ROBO1: variants seen among roughly 807,000 people sequenced by gnomAD.
ROBO1 encodes the protein roundabout guidance receptor 1, also known as roundabout homolog 1.
In ROBO1, 149 loss-of-function variants were observed where a neutral mutation model predicts 195.9. The ratio of observed to expected loss-of-function variants is 0.76; its 90% CI spans 0.67 to 0.87. The LOEUF (loss-of-function observed/expected upper bound fraction) is 0.87, where lower values mean the gene tolerates loss of function less well. Among genes scored for constraint, ROBO1 ranks in the 40% least tolerant of loss-of-function variants. ROBO1 has a pLI of 0.00. For missense variants in ROBO1, 1,933 were observed against 2,068.3 expected (o/e 0.93, Z 1.27); for synonymous variants, 816 against 733.2 (o/e 1.11, Z -1.82).
chr3:79,603,389 C>T (rs1387184487), intron 1 of ROBO1, among the ~76,000 whole-genome samples: 1 of 151,904 alleles, frequency 6.6e-6, no homozygotes, highest in Non-Finnish European at 1.5e-5. Flanking sequence ...CACAACAATA[C>T]CCCCCACAGC....
Position 79,708,686 on chromosome 3 carries a change from G to A in ROBO1, c.-51+59066C>T, listed in dbSNP as rs1422139386. On this transcript the variant is annotated intron_variant, in intron 1 of 30. Coordinates refer to ENST00000464233, the MANE Select transcript of ROBO1 (RefSeq NM_002941.4). ...GAGACCACCCTGGTCAACAGAGTGA[G>A]ACTTTGTGTCTACAAAATATTAAAA... Among the ~76,000 whole-genome samples the A allele has an allele frequency of 3.9e-5, 6 of 152,244 alleles. 1 individual carries two copies. The East Asian group carries it at 1.2e-3, about 29-fold the overall frequency.
chr3:79,580,063 A>G (rs1576062243), intron 2 of ROBO1, among the ~76,000 whole-genome samples: 2 of 152,170 alleles, frequency 1.3e-5, no homozygotes, highest in Admixed American at 1.3e-4. Context: ...TATATATTCT[A>G]TAGAGTTATT....
At chr3:79,071,001 A>G (rs1050023015) in intron 3 of ROBO1, among the ~76,000 whole-genome samples, 1 of 151,800 alleles carries the variant, frequency 6.6e-6, no homozygotes, top group Admixed American at 6.6e-5. Flanking sequence ...ATATATGTAT[A>G]GATTGTAAAA....
At chr3:78,738,825 T>G (rs2082454897) in intron 5 of ROBO1, among the ~76,000 whole-genome samples, 1 of 152,196 alleles carries the variant, frequency 6.6e-6, no homozygotes, top group Admixed American at 6.5e-5. Flanking sequence ...GAAGAATGGA[T>G]AAAATCTTAA....
At position 79,124,567 on chromosome 3, in the gene ROBO1, T is replaced by A. The variant is rs62259672; in HGVS notation, c.172+889A>T. On this transcript the variant is annotated intron_variant, in intron 3 of 30. Coordinates refer to ENST00000464233, the MANE Select transcript of ROBO1 (RefSeq NM_002941.4). Reference sequence around the variant, plus strand: ...GGACTCTATCATCTCTAACCCTAACTACCCCACCTCATACACACACAACCT... The same window carrying A: ...GGACTCTATCATCTCTAACCCTAACAACCCCACCTCATACACACACAACCT... 9.2e-3 allele frequency among the ~76,000 whole-genome samples: 1,401 copies of A among 152,216 alleles called. 10 individuals are homozygous for A. The highest frequency in any genetic ancestry group is 0.016 in the Non-Finnish European group (1,073 of 67,984).
At chr3:79,339,432 T>A (rs2034817425) in intron 2 of ROBO1, among the ~76,000 whole-genome samples, 1 of 152,198 alleles carries the variant, frequency 6.6e-6, no homozygotes, top group African/African-American at 2.4e-5. Flanking sequence ...TTTTCCACAA[T>A]ACATCACAAA....
intron 11 of ROBO1, 50 bp downstream of exon 11, chr3:78,670,046 A>G (rs1361802433): frequency 6.8e-7 from 1 of 1,463,034 alleles, no homozygotes; most frequent in Non-Finnish European, 9.3e-7. Context: ...TGTTGGAGGC[A>G]GAAACAAAGT....
At position 79,525,901 on chromosome 3, in the gene ROBO1, C is replaced by T. The variant is rs79105954; in HGVS notation, c.88+63923G>A. On this transcript the variant is annotated intron_variant, in intron 2 of 30. Coordinates refer to ENST00000464233, the MANE Select transcript of ROBO1 (RefSeq NM_002941.4). ...CTGGGATTACAGGCATGAGCCTCAG[C>T]GCCTGACCCCAAAACTCTACACTTA... Among the ~76,000 whole-genome samples the T allele has an allele frequency of 6.5e-3, 981 of 152,040 alleles. 10 individuals are homozygous for T. Among genetic ancestry groups the T allele is most frequent in the African/African-American group, 0.023 (941 of 41,480 alleles).
chr3:78,812,549 T>A (rs752657978), intron 4 of ROBO1, among the ~76,000 whole-genome samples: 2 of 152,148 alleles, frequency 1.3e-5, no homozygotes, highest in Admixed American at 6.6e-5. Flanking sequence ...GGAATAAATA[T>A]CCTGGTACTT....
Position 78,631,314 on chromosome 3 carries a change from G to T in ROBO1, c.3482-9C>A. On this transcript the variant is annotated splice_polypyrimidine_tract_variant and intron_variant, in intron 24 of 30. Coordinates refer to ENST00000464233, the MANE Select transcript of ROBO1 (RefSeq NM_002941.4). ...CTTGTGCCCCTGACTCCCTAGAAAGGAAATAAAATAGAAGCCATTGATCTC... is the reference window on the plus strand; with the variant it reads ...CTTGTGCCCCTGACTCCCTAGAAAGTAAATAAAATAGAAGCCATTGATCTC... The T allele has an allele frequency of 6.2e-7, 1 of 1,611,484 alleles. No individual in the cohort carries two copies. The highest frequency in any genetic ancestry group is 2.2e-5 in the East Asian group (1 of 44,768).
chr3:78,598,929 T>C lies in ROBO1; in HGVS notation c.4942-2A>G, dbSNP rs1183596419. 10 of 1,564,826 alleles carry C rather than the reference T, an allele frequency of 6.4e-6. No individual in the cohort carries two copies. The highest frequency in any genetic ancestry group is 7.8e-6 in the Non-Finnish European group (9 of 1,148,548). On this transcript the variant is annotated splice_acceptor_variant, in intron 30 of 30. Coordinates refer to ENST00000464233, the MANE Select transcript of ROBO1 (RefSeq NM_002941.4). LOFTEE classifies it high-confidence loss of function. ...TGGTTGTCTTCAGCTTTCAGTTTCC[T>C]GTAAGAGATACGTTATTGTCACATT...
chr3:79,531,760 G>GC (rs1365050122), intron 2 of ROBO1, among the ~76,000 whole-genome samples: 13 of 152,108 alleles, frequency 8.5e-5, no homozygotes, highest in Admixed American at 2.6e-4. Flanking sequence ...TGATTCATAT[G>GC]CAAACACATT....
At chr3:79,488,887 C>T (rs1416931623) in intron 2 of ROBO1, among the ~76,000 whole-genome samples, 1 of 152,068 alleles carries the variant, frequency 6.6e-6, no homozygotes, top group Non-Finnish European at 1.5e-5. Context: ...TCAACTTCTG[C>T]CCTTGGATGC....
chr3:78,948,270 A>G (rs1476564235), intron 3 of ROBO1, among the ~76,000 whole-genome samples: 1 of 152,232 alleles, frequency 6.6e-6, no homozygotes, highest in Non-Finnish European at 1.5e-5. Flanking sequence ...CCTCAATAAA[A>G]TACTGGCAAA....
intron 19 of ROBO1, among the ~76,000 whole-genome samples, chr3:78,647,956 C>G (rs939955951): frequency 6.6e-6 from 1 of 152,052 alleles, no homozygotes; most frequent in African/African-American, 2.4e-5. Flanking sequence ...GGCTTTCGTA[C>G]AAACAAGAAT....
At chr3:78,726,676 T>G (rs2082169425) in intron 5 of ROBO1, among the ~76,000 whole-genome samples, 1 of 152,174 alleles carries the variant, frequency 6.6e-6, no homozygotes, top group Non-Finnish European at 1.5e-5. Flanking sequence ...GAGAGCAAGC[T>G]GTTGTGAACT....
intron 2 of ROBO1, among the ~76,000 whole-genome samples, chr3:79,316,524 T>C (rs961457222): frequency 2.0e-5 from 3 of 152,070 alleles, no homozygotes; most frequent in African/African-American, 7.2e-5. Context: ...GATAGGTAGG[T>C]AGACATGTGG....
At chr3:78,922,105 A>G (rs1201555808) in intron 4 of ROBO1, among the ~76,000 whole-genome samples, 1 of 152,170 alleles carries the variant, frequency 6.6e-6, no homozygotes, top group African/African-American at 2.4e-5. Context: ...TACAAAAGAT[A>G]AACTAGGTTT....
At chr3:79,278,636 T>C (rs1293168374) in intron 2 of ROBO1, among the ~76,000 whole-genome samples, 1 of 152,106 alleles carries the variant, frequency 6.6e-6, no homozygotes, top group Non-Finnish European at 1.5e-5. Flanking sequence ...TGAACATTCA[T>C]ATGCAGAAGA....
Sources: allele counts gnomAD v4.1 joint callset (sites outside exome capture counted in the v4.1 genomes callset), GRCh38; gene constraint gnomAD v4.1.1; transcripts MANE v1.5; gene names NCBI Gene and HGNC (gene_info 2026-07-23, HGNC 2026-07-21).